Variants in PYROXD1 observed in about 807,000 individuals in gnomAD.
The protein encoded by PYROXD1 is tRNA ligase complex-associated NAD(P)H dehydrogenase PYROXD1.
Under a neutral mutation model 62.0 loss-of-function variants are expected in PYROXD1, and 42 were observed. The observed-to-expected ratio is 0.68, with a 90% CI of 0.53 to 0.88. The LOEUF is 0.88. Ranked by LOEUF, PYROXD1 falls within the 40% of genes least tolerant of loss-of-function variation. PYROXD1 has a pLI of 0.00. For synonymous variants in PYROXD1, 170 were observed against 206.4 expected, an observed-to-expected ratio of 0.82 and a Z score of 1.51; for missense variants, 493 against 604.8, an observed-to-expected ratio of 0.82 and a Z score of 1.94.
Position 21,461,039 on chromosome 12 carries a change from T to G in PYROXD1, c.765T>G (p.Ile255Met). ...LKGTKEFSHK[I>M]HLETMCEVKK... Reference sequence around the variant, plus strand: ...CTTAATTTTAGTTTTCTCATAAGATTCACCTTGAAACTATGTGTGAAGTAA... The same window carrying G: ...CTTAATTTTAGTTTTCTCATAAGATGCACCTTGAAACTATGTGTGAAGTAA... Residue 255 changes from isoleucine to methionine, a missense_variant, in exon 8 of 12, where the codon ATT becomes ATG. Around this residue, in one of 2 missense-constraint regions of PYROXD1, gnomAD observed 329 missense variants for 446.6 expected, o/e 0.74. Coordinates refer to ENST00000240651, the MANE Select transcript of PYROXD1 (RefSeq NM_024854.5). 6.5e-7 allele frequency: 1 copy of G among 1,529,404 alleles called. No homozygotes were observed. Among genetic ancestry groups the G allele is most frequent in the Admixed American group, 2.0e-5 (1 of 49,288 alleles). The allele number at this position is 1,529,404 out of a possible 1,614,324, so 94.7% of individuals were successfully genotyped here. A position where few individuals can be genotyped will look rare whatever the true frequency, so the allele number is the denominator to read the frequency against.
In PYROXD1 at chr12:21,470,470, G is replaced by T. The variant is rs1942920105; in HGVS notation, c.*1716G>T. On this transcript the variant is annotated 3_prime_UTR_variant, in exon 12 of 12. Coordinates refer to ENST00000240651, the MANE Select transcript of PYROXD1 (RefSeq NM_024854.5). The stretch of plus-strand genomic sequence containing the variant: ...CAGTTGGCTTTTTAAGTATACAGGG[G>T]TCTAGTTTTTTATCTACAAATTTCT... 4.7e-6 allele frequency: 5 copies of T among 1,066,426 alleles called. No individual in the cohort carries two copies. Among genetic ancestry groups the T allele is most frequent in the East Asian group, 2.8e-5 (1 of 35,964 alleles). The allele number at this position is 1,066,426 out of a possible 1,614,324, so 66.1% of individuals were successfully genotyped here.
At chr12:21,465,536 G>C (rs1164274168) in intron 10 of PYROXD1, among the ~76,000 whole-genome samples, 1 of 150,738 alleles carries the variant, frequency 6.6e-6, no homozygotes, top group Non-Finnish European at 1.5e-5. Flanking sequence ...TTGTAAATTT[G>C]TTTGAGTTCA....
At chr12:21,440,501 T>G in intron 2 of PYROXD1, 53 bp downstream of exon 2, 1 of 983,706 alleles carries the variant, frequency 1.0e-6, no homozygotes, top group Non-Finnish European at 1.6e-6. Flanking sequence ...TTGCAATAAC[T>G]TGCATAGCAG....
Position 21,457,103 on chromosome 12 carries a change from T to C in PYROXD1, c.750+1008T>C, listed in dbSNP as rs1278316948. 3 of 271,646 alleles carry C rather than the reference T, an allele frequency of 1.1e-5. No homozygotes were observed. In the Admixed American group the frequency reaches 1.6e-4, roughly 14 times the overall value. 16.8% of individuals were successfully genotyped at this position (271,646 alleles called of 1,614,324 possible). On this transcript the variant is annotated intron_variant, in intron 7 of 11. Coordinates refer to ENST00000240651, the MANE Select transcript of PYROXD1 (RefSeq NM_024854.5). ...TCCATGAAGGTTGGAGTAAACTTCT[T>C]TCAAGCTTTTGTTAATGTTGATATT... is the stretch of plus-strand genomic sequence containing the variant.
intron 1 of PYROXD1, chr12:21,438,117 A>C: frequency 2.8e-6 from 1 of 363,366 alleles, no homozygotes. Flanking sequence ...TTTAGACAAA[A>C]AATTCAGCCC....
At chr12:21,447,509 T>C (rs1476907) in intron 3 of PYROXD1, 78,406 of 159,260 alleles carry the variant, frequency 0.49, 19,368 homozygotes, top group Middle Eastern at 0.59. Flanking sequence ...CCACATGCAG[T>C]GCATGTCTGC....
At chr12:21,460,185 G>A (rs368887602) in intron 7 of PYROXD1, among the ~76,000 whole-genome samples, 1 of 151,846 alleles carries the variant, frequency 6.6e-6, no homozygotes, top group Admixed American at 6.6e-5. Flanking sequence ...TCTAATTTTT[G>A]TGATGGAAAT....
At chr12:21,465,158 G>C (rs1375496523) in intron 10 of PYROXD1, among the ~76,000 whole-genome samples, 2 of 152,174 alleles carry the variant, frequency 1.3e-5, no homozygotes, top group Non-Finnish European at 2.9e-5. Context: ...ATAGCAGCAT[G>C]ATTTATAATC....
chr12:21,467,656 T>C (rs1257330536), intron 11 of PYROXD1, 38 bp downstream of exon 11: 1 of 1,482,554 alleles, frequency 6.7e-7, no homozygotes, highest in South Asian at 1.2e-5. Context: ...TCTCTGCTTG[T>C]TAGTCTTATG....
intron 3 of PYROXD1, among the ~76,000 whole-genome samples, 164 bp downstream of exon 3, chr12:21,445,630 T>C (rs957607945): frequency 2.6e-5 from 4 of 152,214 alleles, no homozygotes. Context: ...ACAGTTTTTG[T>C]AAGTTTATTG....
At position 21,455,309 on chromosome 12, in the gene PYROXD1, G is replaced by A; in HGVS notation, c.649+17G>A. Reference sequence around the variant, plus strand: ...CAACTGAAGGTAAGTGTAGCACCTAGCTCATTAATTCTCATACAAAACTTT... The same window carrying A: ...CAACTGAAGGTAAGTGTAGCACCTAACTCATTAATTCTCATACAAAACTTT... On this transcript the variant is annotated intron_variant, in intron 6 of 11. Coordinates refer to ENST00000240651, the MANE Select transcript of PYROXD1 (RefSeq NM_024854.5). 7.1e-7 allele frequency: 1 copy of A among 1,411,868 alleles called. No individual in the cohort carries two copies. The highest frequency in any genetic ancestry group is 1.8e-5 in the South Asian group (1 of 56,558). The allele number at this position is 1,411,868 out of a possible 1,614,324, so 87.5% of individuals were successfully genotyped here.
At chr12:21,443,479 A>C (rs565558471) in intron 2 of PYROXD1, among the ~76,000 whole-genome samples, 1 of 152,298 alleles carries the variant, frequency 6.6e-6, no homozygotes, top group East Asian at 1.9e-4. Flanking sequence ...GTCTAAGAAC[A>C]GTTGGGTAAT....
chr12:21,465,884 T>C (rs1942784467), intron 10 of PYROXD1, among the ~76,000 whole-genome samples: 1 of 152,202 alleles, frequency 6.6e-6, no homozygotes, highest in Non-Finnish European at 1.5e-5. Context: ...TTTCTACATA[T>C]GGCTAGCCAG....
In PYROXD1 at chr12:21,468,871, G is replaced by A; in HGVS notation, c.*117G>A. On this transcript the variant is annotated 3_prime_UTR_variant, in exon 12 of 12. Coordinates refer to ENST00000240651, the MANE Select transcript of PYROXD1 (RefSeq NM_024854.5). ...TGACCACACTGAAAATTACAGAAGT[G>A]ATAATGATATTAGTGGAAAAATATA... 1.1e-6 allele frequency: 1 copy of A among 939,064 alleles called. No homozygotes were observed. Among genetic ancestry groups the A allele is most frequent in the Non-Finnish European group, 1.6e-6 (1 of 639,900 alleles). The allele number at this position is 939,064 out of a possible 1,614,324, so 58.2% of individuals were successfully genotyped here.
At chr12:21,457,504 ATGTGC>A (rs1942620219) in intron 7 of PYROXD1, among the ~76,000 whole-genome samples, 1 of 151,246 alleles carries the variant, frequency 6.6e-6, no homozygotes, top group South Asian at 2.1e-4. Context: ...ATGTAAACAG[ATGTGC>A]TGTGTATTAC....
At chr12:21,455,514 C>T (rs1452819059) in intron 6 of PYROXD1, among the ~76,000 whole-genome samples, 1 of 150,712 alleles carries the variant, frequency 6.6e-6, no homozygotes, top group Non-Finnish European at 1.5e-5. Context: ...TTGAATAACT[C>T]AGCCCATCTG....
intron 4 of PYROXD1, among the ~76,000 whole-genome samples, 154 bp from the exon 5 acceptor site, chr12:21,451,927 G>C (rs1208332606): frequency 6.6e-6 from 1 of 151,918 alleles, no homozygotes; most frequent in Non-Finnish European, 1.5e-5. Flanking sequence ...TAATTGAGAG[G>C]ATGTACCCTG....
intron 7 of PYROXD1, among the ~76,000 whole-genome samples, chr12:21,459,517 GA>G (rs1452366902): frequency 1.3e-5 from 2 of 152,296 alleles, no homozygotes; most frequent in East Asian, 3.9e-4. Flanking sequence ...TTGAACCTAA[GA>G]AAGGGGCTCG....
intron 10 of PYROXD1, among the ~76,000 whole-genome samples, chr12:21,466,014 C>T (rs539646552): frequency 2.4e-4 from 37 of 152,066 alleles, no homozygotes; most frequent in African/African-American, 8.5e-4. Flanking sequence ...CTGTTCTGCT[C>T]GATTGGTCTA....
Sources: allele counts gnomAD v4.1 joint callset (sites outside exome capture counted in the v4.1 genomes callset), GRCh38; gene constraint gnomAD v4.1.1; regional missense constraint gnomAD v4.1.1; transcripts MANE v1.5; gene names NCBI Gene and HGNC (gene_info 2026-07-23, HGNC 2026-07-21).